CSMD3: variants seen among roughly 807,000 people sequenced by gnomAD.
The protein encoded by CSMD3 is CUB and Sushi multiple domains 3, also known as CUB and sushi domain-containing protein 3.
CSMD3 carries 177 observed loss-of-function variants against 435.2 expected under a neutral mutation model. That is an observed-to-expected ratio of 0.41 (90% CI 0.36 to 0.46). The LOEUF (loss-of-function observed/expected upper bound fraction) is 0.46, where lower values mean the gene tolerates loss of function less well. Among genes scored for constraint, CSMD3 ranks in the 20% least tolerant of loss-of-function variants. The pLI is 0.34. For synonymous variants in CSMD3, 1,656 were observed against 1,520.5 expected, an observed-to-expected ratio of 1.09 and a Z score of -2.07; for missense variants, 4,265 against 4,504.6, an observed-to-expected ratio of 0.95 and a Z score of 1.52.
chr8:112,258,909 G>T (rs1816091680), intron 61 of CSMD3, among the ~76,000 whole-genome samples: 1 of 151,958 alleles, frequency 6.6e-6, no homozygotes, highest in Non-Finnish European at 1.5e-5. Flanking sequence ...TGTGGTGGCG[G>T]GTGCCTGTAG....
chr8:112,558,360 C>T (rs1828315047), intron 24 of CSMD3, among the ~76,000 whole-genome samples: 1 of 151,928 alleles, frequency 6.6e-6, no homozygotes, highest in South Asian at 2.1e-4. Flanking sequence ...ATAAAGAGGT[C>T]AAGAAGAATT....
At chr8:113,253,386 A>C (rs2093350999) in intron 3 of CSMD3, among the ~76,000 whole-genome samples, 2 of 150,536 alleles carry the variant, frequency 1.3e-5, no homozygotes, top group African/African-American at 4.9e-5. Context: ...TCCTCTCCCC[A>C]CCCCACGACA....
At chr8:113,161,915 T>A (rs1184493271) in intron 4 of CSMD3, among the ~76,000 whole-genome samples, 1 of 152,168 alleles carries the variant, frequency 6.6e-6, no homozygotes, top group African/African-American at 2.4e-5. Flanking sequence ...TATTAACACT[T>A]ATATAACTCT....
rs2131631727 is a variant in CSMD3, at chr8:112,650,179, G to A, written c.3175C>T (p.Pro1059Ser). ...TTATTACCATCACAGGTTGGAAGTG[G>A]ATGACTCCACCAGTGGTTTTTTTCG... ...LCEKNHWWSH[P>S]LPTCDALCGG... The change falls in exon 19 of 71, where the codon CCA becomes TCA. Residue 1059 changes from proline (P) to serine (S), a missense_variant. Pro to Ser is a moderately conservative substitution (Grantham distance 74). Transcript: ENST00000297405. The A allele has an allele frequency of 6.2e-7, 1 of 1,612,984 alleles. No homozygotes were observed. The highest frequency in any genetic ancestry group is 8.5e-7 in the Non-Finnish European group (1 of 1,179,000).
intron 5 of CSMD3, among the ~76,000 whole-genome samples, chr8:113,094,584 T>A (rs1344345423): frequency 6.6e-6 from 1 of 152,190 alleles, no homozygotes; most frequent in African/African-American, 2.4e-5. Flanking sequence ...TATCACTAGG[T>A]CTTATTTATT....
intron 31 of CSMD3, among the ~76,000 whole-genome samples, chr8:112,483,480 C>T (rs1819826454): frequency 6.6e-6 from 1 of 151,740 alleles, no homozygotes; most frequent in East Asian, 1.9e-4. Flanking sequence ...GAGACTCCAC[C>T]TCGAAAAAAA....
At chr8:112,630,810 A>G (rs971731460) in intron 22 of CSMD3, among the ~76,000 whole-genome samples, 19 of 152,132 alleles carry the variant, frequency 1.2e-4, no homozygotes, top group African/African-American at 4.6e-4. Context: ...GTTCTGTCTT[A>G]GCAGTGTAAA....
chr8:113,164,614 C>T (rs1057328647), intron 4 of CSMD3, among the ~76,000 whole-genome samples: 2 of 151,854 alleles, frequency 1.3e-5, no homozygotes, highest in Non-Finnish European at 2.9e-5. Context: ...CACATTTAGA[C>T]CAAAAATTAG....
chr8:112,954,405 G>T (rs1006352261), intron 8 of CSMD3, among the ~76,000 whole-genome samples: 5 of 151,454 alleles, frequency 3.3e-5, no homozygotes, highest in Non-Finnish European at 5.9e-5. Context: ...AAACTTGAGT[G>T]TCCTCAAGAC....
chr8:112,896,602 T>C (rs2081956587), intron 10 of CSMD3, among the ~76,000 whole-genome samples: 1 of 151,454 alleles, frequency 6.6e-6, no homozygotes, highest in African/African-American at 2.4e-5. Flanking sequence ...CTGAAATTCA[T>C]TTAGTTTTCT....
At chr8:113,210,005 TGTGTGTGTGTG>T (rs2092814314) in intron 3 of CSMD3, among the ~76,000 whole-genome samples, 1 of 42,632 alleles carries the variant, frequency 2.3e-5, no homozygotes, top group African/African-American at 2.3e-4. Context: ...TCCTAAAAGG[TGTGTGTGTGTG>T]TGTGTGTGTG....
intron 12 of CSMD3, among the ~76,000 whole-genome samples, chr8:112,806,842 T>C (rs753953214): frequency 6.6e-6 from 1 of 152,236 alleles, no homozygotes; most frequent in African/African-American, 2.4e-5. Context: ...AAAGCCATTC[T>C]ATGTTCTTCT....
chr8:112,800,309 T>C (rs1201663450), intron 12 of CSMD3, 35 bp from the exon 13 acceptor site: 2 of 1,247,914 alleles, frequency 1.6e-6, no homozygotes, highest in African/African-American at 2.9e-5. Flanking sequence ...GAGAGATGGG[T>C]TATTAAAACA....
chr8:112,306,286 CGG>C (rs1563766660), intron 50 of CSMD3, 94 bp from the exon 51 acceptor site: 1 of 896,066 alleles, frequency 1.1e-6, no homozygotes, highest in East Asian at 2.6e-5. Flanking sequence ...GCAAAACTAA[CGG>C]GGATTTTTAT....
chr8:112,791,717 C>CA (rs1257282682), intron 13 of CSMD3, among the ~76,000 whole-genome samples: 1 of 152,000 alleles, frequency 6.6e-6, no homozygotes, highest in Non-Finnish European at 1.5e-5. Context: ...TTTATATGGA[C>CA]AATTGATTTC....
intron 1 of CSMD3, among the ~76,000 whole-genome samples, chr8:113,344,299 T>C (rs895370152): frequency 3.9e-5 from 6 of 152,150 alleles, no homozygotes; most frequent in African/African-American, 1.4e-4. Flanking sequence ...GTGGGGTATT[T>C]TATTGCTTGC....
intron 66 of CSMD3, among the ~76,000 whole-genome samples, chr8:112,238,828 G>C (rs965075077): frequency 2.0e-5 from 3 of 151,276 alleles, no homozygotes; most frequent in Non-Finnish European, 4.4e-5. Context: ...TTACTTTTAA[G>C]GATTATTTAA....
chr8:112,871,484 T>TA (rs2081133676), intron 10 of CSMD3, among the ~76,000 whole-genome samples: 1 of 151,820 alleles, frequency 6.6e-6, no homozygotes, highest in African/African-American at 2.4e-5. Context: ...AAATATATTA[T>TA]AAAAAAGGGA....
intron 17 of CSMD3, among the ~76,000 whole-genome samples, chr8:112,660,641 C>G (rs1287876280): frequency 6.6e-6 from 1 of 152,046 alleles, no homozygotes; most frequent in African/African-American, 2.4e-5. Flanking sequence ...ATAGAAGGCT[C>G]AAGCCCTAAA....
Sources: allele counts gnomAD v4.1 joint callset (sites outside exome capture counted in the v4.1 genomes callset), GRCh38; gene constraint gnomAD v4.1.1; transcripts MANE v1.5; gene names NCBI Gene and HGNC (gene_info 2026-07-23, HGNC 2026-07-21).